The following RAPGEF6 variants were observed in gnomAD, a reference collection of about 807,000 sequenced individuals.
The protein encoded by RAPGEF6 is Rap guanine nucleotide exchange factor 6, also known as PDZ domain containing guanine nucleotide exchange factor (GEF) 2.
Under a neutral mutation model 171.4 loss-of-function variants are expected in RAPGEF6, and 56 were observed. That is an observed-to-expected ratio of 0.33 (90% CI 0.26 to 0.41). The LOEUF (loss-of-function observed/expected upper bound fraction) is 0.41, where lower values mean the gene tolerates loss of function less well. Ranked by LOEUF, RAPGEF6 falls within the 10% of genes least tolerant of loss-of-function variation. The pLI is 1.00. For synonymous variants in RAPGEF6, 692 were observed against 650.1 expected, an observed-to-expected ratio of 1.06 and a Z score of -0.98; for missense variants, 1,674 against 1,921.4, an observed-to-expected ratio of 0.87 and a Z score of 2.41.
intron 24 of RAPGEF6, 108 bp from the exon 25 acceptor site, chr5:131,433,766 A>C: frequency 1.2e-6 from 1 of 816,898 alleles, no homozygotes; most frequent in Non-Finnish European, 1.9e-6. Flanking sequence ...ACAGAAGACA[A>C]AGTAGAAGCA....
chr5:131,597,841 T>G (rs1289170331), intron 3 of RAPGEF6, among the ~76,000 whole-genome samples: 2 of 152,128 alleles, frequency 1.3e-5, no homozygotes, highest in African/African-American at 4.8e-5. Flanking sequence ...TATTACAAAA[T>G]AGCTAGAAGA....
intron 17 of RAPGEF6, among the ~76,000 whole-genome samples, chr5:131,464,722 C>T (rs997253727): frequency 6.6e-6 from 1 of 152,122 alleles, no homozygotes; most frequent in African/African-American, 2.4e-5. Flanking sequence ...CCCGTTACCC[C>T]CTGTCAAAAG....
At chr5:131,492,226 TCAAAAC>T (rs1382989049) in intron 14 of RAPGEF6, among the ~76,000 whole-genome samples, 1 of 152,128 alleles carries the variant, frequency 6.6e-6, no homozygotes, top group Non-Finnish European at 1.5e-5. Context: ...GCTGTCTTCT[TCAAAAC>T]CTGCAAGGGT....
At chr5:131,588,598 C>T (rs1763401607) in intron 4 of RAPGEF6, among the ~76,000 whole-genome samples, 1 of 151,136 alleles carries the variant, frequency 6.6e-6, no homozygotes, top group Non-Finnish European at 1.5e-5. Flanking sequence ...CAAAAATTAG[C>T]CAGGTGTGGT....
intron 5 of RAPGEF6, among the ~76,000 whole-genome samples, chr5:131,551,609 C>T (rs1422012534): frequency 2.0e-5 from 3 of 151,910 alleles, no homozygotes; most frequent in Non-Finnish European, 4.4e-5. Flanking sequence ...TGCTCTATCC[C>T]AAAAGATAAA....
intron 3 of RAPGEF6, among the ~76,000 whole-genome samples, chr5:131,596,259 A>G (rs1307611758): frequency 1.3e-5 from 2 of 150,732 alleles, no homozygotes; most frequent in Non-Finnish European, 3.0e-5. Context: ...AAACTGTAAA[A>G]AGAGACAGAA....
At chr5:131,470,389 G>A (rs1405892237) in intron 17 of RAPGEF6, among the ~76,000 whole-genome samples, 1 of 152,170 alleles carries the variant, frequency 6.6e-6, no homozygotes, top group Non-Finnish European at 1.5e-5. Flanking sequence ...TGGGGACTTA[G>A]TTTCTAAAAC....
chr5:131,529,423 C>T (rs961039873), intron 6 of RAPGEF6, among the ~76,000 whole-genome samples: 2 of 149,668 alleles, frequency 1.3e-5, no homozygotes, highest in Non-Finnish European at 3.0e-5. Flanking sequence ...TTGCAGTGAG[C>T]GGAGATTGCA....
chr5:131,437,982 A>T (rs1053378015), intron 24 of RAPGEF6, among the ~76,000 whole-genome samples: 2 of 151,720 alleles, frequency 1.3e-5, no homozygotes, highest in South Asian at 4.2e-4. Flanking sequence ...CACCCAGGTT[A>T]GGCAACAATT....
chr5:131,569,737 CACTATT>C (rs1246293365), intron 4 of RAPGEF6, among the ~76,000 whole-genome samples: 2 of 151,976 alleles, frequency 1.3e-5, no homozygotes, highest in Non-Finnish European at 2.9e-5. Flanking sequence ...CTTCAAAAGA[CACTATT>C]AAGAAGTCAC....
intron 15 of RAPGEF6, among the ~76,000 whole-genome samples, chr5:131,486,890 T>C (rs1447563890): frequency 6.6e-6 from 1 of 152,172 alleles, no homozygotes; most frequent in Non-Finnish European, 1.5e-5. Flanking sequence ...CTTTAAATAT[T>C]TTCTCCAGAA....
At chr5:131,565,488 T>G (rs2149972244) in intron 4 of RAPGEF6, among the ~76,000 whole-genome samples, 1 of 152,280 alleles carries the variant, frequency 6.6e-6, no homozygotes, top group East Asian at 1.9e-4. Flanking sequence ...CTTGGAGGAC[T>G]GACATAATGA....
intron 6 of RAPGEF6, among the ~76,000 whole-genome samples, chr5:131,527,831 C>A (rs564296465): frequency 6.6e-6 from 1 of 151,258 alleles, no homozygotes; most frequent in Non-Finnish European, 1.5e-5. Flanking sequence ...CTGGCTAACA[C>A]GGTGAAACCC....
Position 131,578,785 on chromosome 5 carries a change from T to C in RAPGEF6, c.281+13598A>G, listed in dbSNP as rs184394750. Among the ~76,000 whole-genome samples, 17 of 152,330 alleles carry C rather than the reference T, an allele frequency of 1.1e-4. No individual in the cohort carries two copies. The East Asian group carries it at 2.3e-3, about 21-fold the overall frequency. ...ATTACTGATAAGCCCTCTATCATTA[T>C]TGACAAACTAAAAAACATTAGCAGT... On this transcript the variant is annotated intron_variant, in intron 4 of 27. Transcript: ENST00000509018.
In RAPGEF6 at chr5:131,468,172, A is replaced by G. The variant is rs531728667; in HGVS notation, c.2240-3891T>C. ...GAAACCCCATCTCTACTAAAAAAAA[A>G]TACAAAAAAATTAGCTGGGCGTGGT... is the stretch of plus-strand genomic sequence containing the variant. On this transcript the variant is annotated intron_variant, in intron 17 of 27. Coordinates refer to ENST00000509018, the MANE Select transcript of RAPGEF6 (RefSeq NM_016340.6). Among the ~76,000 whole-genome samples the G allele has an allele frequency of 2.0e-4, 31 of 151,656 alleles. No individual in the cohort carries two copies. The South Asian group carries it at 6.5e-3, about 32-fold the overall frequency.
chr5:131,630,679 G>C (rs1222276085), intron 1 of RAPGEF6, among the ~76,000 whole-genome samples: 1 of 151,980 alleles, frequency 6.6e-6, no homozygotes, highest in South Asian at 2.1e-4. Flanking sequence ...TTTACAACAT[G>C]TGTCTGTACT....
intron 4 of RAPGEF6, among the ~76,000 whole-genome samples, chr5:131,571,276 G>C (rs1463822386): frequency 6.6e-6 from 1 of 151,998 alleles, no homozygotes; most frequent in African/African-American, 2.4e-5. Flanking sequence ...TGACAACAAG[G>C]ATGTTTGCTC....
At chr5:131,476,068 C>T (rs1755071007) in intron 16 of RAPGEF6, among the ~76,000 whole-genome samples, 1 of 152,138 alleles carries the variant, frequency 6.6e-6, no homozygotes, top group Non-Finnish European at 1.5e-5. Flanking sequence ...GGAAAAATTA[C>T]CTATGAAACT....
At chr5:131,526,432 T>A (rs973352304) in intron 6 of RAPGEF6, among the ~76,000 whole-genome samples, 5 of 152,164 alleles carry the variant, frequency 3.3e-5, no homozygotes, top group African/African-American at 1.2e-4. Context: ...CAGGGTCACA[T>A]GGCTAGGAAA....
Sources: allele counts gnomAD v4.1 joint callset (sites outside exome capture counted in the v4.1 genomes callset), GRCh38; gene constraint gnomAD v4.1.1; transcripts MANE v1.5; gene names NCBI Gene and HGNC (gene_info 2026-07-23, HGNC 2026-07-21).